Variants in ADAMTS19 observed in about 807,000 individuals in gnomAD.
ADAMTS19 encodes ADAM metallopeptidase with thrombospondin type 1 motif 19.
In ADAMTS19, 93 loss-of-function variants were observed where a neutral mutation model predicts 153.3. That is an observed-to-expected ratio of 0.61 (90% CI 0.51 to 0.72). The LOEUF (loss-of-function observed/expected upper bound fraction) is 0.72. Among genes scored for constraint, ADAMTS19 ranks in the 30% least tolerant of loss-of-function variants. ADAMTS19 has a pLI of 0.00. For missense variants in ADAMTS19, 1,482 were observed against 1,552.1 expected, an observed-to-expected ratio of 0.95 and a Z score of 0.76; for synonymous variants, 600 against 556.6, an observed-to-expected ratio of 1.08 and a Z score of -1.10.
At chr5:129,735,628 T>TA (rs894569395) in intron 22 of ADAMTS19, among the ~76,000 whole-genome samples, 7 of 152,060 alleles carry the variant, frequency 4.6e-5, no homozygotes, top group Admixed American at 3.3e-4. Flanking sequence ...TGATACTAAA[T>TA]AAAAAATACA....
intron 10 of ADAMTS19, among the ~76,000 whole-genome samples, chr5:129,640,874 G>T (rs549141492): frequency 6.6e-6 from 1 of 152,012 alleles, no homozygotes; most frequent in East Asian, 1.9e-4. Context: ...ACCCAGGCTG[G>T]AGTACAGTGG....
intron 11 of ADAMTS19, among the ~76,000 whole-genome samples, chr5:129,643,974 T>A (rs1752942055): frequency 6.6e-6 from 1 of 151,948 alleles, no homozygotes; most frequent in Non-Finnish European, 1.5e-5. Context: ...TCACATAGCT[T>A]GTTTGTCTTT....
chr5:129,733,627 A>G (rs966968451), intron 21 of ADAMTS19, among the ~76,000 whole-genome samples: 2 of 152,122 alleles, frequency 1.3e-5, no homozygotes, highest in African/African-American at 4.8e-5. Flanking sequence ...ACCAGTCAGA[A>G]TGGCTACTAT....
chr5:129,541,359 C>T (rs1752648003), intron 6 of ADAMTS19, among the ~76,000 whole-genome samples: 1 of 151,890 alleles, frequency 6.6e-6, no homozygotes, highest in African/African-American at 2.4e-5. Flanking sequence ...GTTGCAGGTT[C>T]ATGCATCATG....
At chr5:129,538,980 A>G (rs1374131653) in intron 6 of ADAMTS19, among the ~76,000 whole-genome samples, 1 of 152,098 alleles carries the variant, frequency 6.6e-6, no homozygotes, top group Non-Finnish European at 1.5e-5. Flanking sequence ...TAAGGTAATC[A>G]ATGTTAAGAG....
At chr5:129,642,009 T>G (rs1183087773) in intron 11 of ADAMTS19, 49 bp downstream of exon 11, 1 of 1,181,892 alleles carries the variant, frequency 8.5e-7, no homozygotes, top group Admixed American at 2.0e-5. Context: ...AGATGAAACT[T>G]GAGAATCTTG....
chr5:129,465,636 T>G (rs1749830120), intron 2 of ADAMTS19, among the ~76,000 whole-genome samples: 1 of 152,208 alleles, frequency 6.6e-6, no homozygotes, highest in Non-Finnish European at 1.5e-5. Flanking sequence ...GACTCCCATT[T>G]AGACAAGGCA....
chr5:129,556,456 A>C (rs547636246), intron 7 of ADAMTS19, among the ~76,000 whole-genome samples: 1 of 152,304 alleles, frequency 6.6e-6, no homozygotes, highest in East Asian at 1.9e-4. Flanking sequence ...AAGTTGCCTT[A>C]ATTTTTGTGG....
chr5:129,656,514 G>A (rs184535439), intron 14 of ADAMTS19, among the ~76,000 whole-genome samples: 2 of 152,278 alleles, frequency 1.3e-5, no homozygotes, highest in Admixed American at 1.3e-4. Context: ...TACTGAAAAC[G>A]ATAAGGAAGG....
intron 8 of ADAMTS19, among the ~76,000 whole-genome samples, chr5:129,608,542 T>G (rs1271361223): frequency 2.0e-5 from 3 of 152,104 alleles, no homozygotes; most frequent in Non-Finnish European, 4.4e-5. Context: ...TTGGCACTCA[T>G]TTGCATTGAT....
At chr5:129,704,141 GC>G (rs1164498199) in intron 20 of ADAMTS19, 97 bp from the exon 21 acceptor site, 1 of 1,282,052 alleles carries the variant, frequency 7.8e-7, no homozygotes, top group African/African-American at 1.5e-5. Context: ...TGGGTGATGG[GC>G]TCATAACAGA....
At chr5:129,611,734 CTG>C (rs1426595519) in intron 8 of ADAMTS19, among the ~76,000 whole-genome samples, 2 of 152,034 alleles carry the variant, frequency 1.3e-5, no homozygotes, top group African/African-American at 4.8e-5. Flanking sequence ...ATGCCTCCAG[CTG>C]TGTTTCTTTT....
At chr5:129,495,730 GTTC>G (rs984407610) in intron 2 of ADAMTS19, among the ~76,000 whole-genome samples, 2 of 152,030 alleles carry the variant, frequency 1.3e-5, no homozygotes, top group African/African-American at 4.8e-5. Context: ...TTCTTTTGAT[GTTC>G]TTCTGTTTAT....
At chr5:129,597,678 G>A (rs1378312672) in intron 8 of ADAMTS19, among the ~76,000 whole-genome samples, 1 of 151,992 alleles carries the variant, frequency 6.6e-6, no homozygotes, top group Non-Finnish European at 1.5e-5. Context: ...AGGCCGAGGT[G>A]GGCGGATCAC....
intron 22 of ADAMTS19, among the ~76,000 whole-genome samples, chr5:129,735,523 G>C (rs996422666): frequency 4.0e-5 from 6 of 151,630 alleles, no homozygotes; most frequent in Admixed American, 6.6e-5. Context: ...TTCTTTGGAG[G>C]GACACAGACT....
intron 8 of ADAMTS19, among the ~76,000 whole-genome samples, chr5:129,600,418 A>G (rs1054514766): frequency 4.6e-5 from 7 of 151,740 alleles, no homozygotes; most frequent in African/African-American, 1.7e-4. Flanking sequence ...GCAACTTACA[A>G]TCTTAGAATG....
At chr5:129,667,744 A>C (rs767356724) in intron 16 of ADAMTS19, among the ~76,000 whole-genome samples, 2 of 152,102 alleles carry the variant, frequency 1.3e-5, no homozygotes, top group Non-Finnish European at 2.9e-5. Context: ...CAGAACCGAG[A>C]GCCAATTAAA....
chr5:129,610,149 GA>G (rs1457350948), intron 8 of ADAMTS19, among the ~76,000 whole-genome samples: 1 of 151,656 alleles, frequency 6.6e-6, no homozygotes, highest in East Asian at 1.9e-4. Flanking sequence ...AGGCAGTTCT[GA>G]TATGTCTTAC....
chr5:129,705,758 G>A (rs1756122461), intron 21 of ADAMTS19, among the ~76,000 whole-genome samples: 1 of 152,076 alleles, frequency 6.6e-6, no homozygotes, highest in South Asian at 2.1e-4. Flanking sequence ...TAATTCTAAG[G>A]GAGACAAATA....
Sources: gnomAD v4.1 joint callset for allele counts (sites outside exome capture counted in the v4.1 genomes callset) on GRCh38, gnomAD v4.1.1 for gene constraint, MANE v1.5 for transcripts, NCBI Gene and HGNC (gene_info 2026-07-23, HGNC 2026-07-21) for gene names.